The following MECOM variants were observed in gnomAD, a reference collection of about 807,000 sequenced individuals.
MECOM encodes the protein histone-lysine N-methyltransferase MECOM.
A neutral mutation model predicts 116.3 loss-of-function variants in MECOM; 13 were observed. That is an observed-to-expected ratio of 0.11 (90% CI 0.07 to 0.18). The LOEUF (loss-of-function observed/expected upper bound fraction) is 0.18. MECOM is among the 10% of genes least tolerant of loss of function. The pLI is 1.00. For synonymous variants in MECOM, 528 were observed against 535.2 expected (o/e 0.99, Z 0.19); for missense variants, 1,299 against 1,509.0 (o/e 0.86, Z 2.31).
intron 2 of MECOM, among the ~76,000 whole-genome samples, chr3:169,248,647 T>C (rs784283): frequency 0.013 from 1,969 of 152,304 alleles, 23 homozygotes; most frequent in South Asian, 0.032. Context: ...ATGACCATAT[T>C]TGGAGATAGG....
At chr3:169,594,644 G>C (rs761012886) in intron 1 of MECOM, among the ~76,000 whole-genome samples, 6 of 151,506 alleles carry the variant, frequency 4.0e-5, no homozygotes, top group Admixed American at 6.6e-5. Flanking sequence ...GGGAAGAGGT[G>C]AATGGCAGGC....
chr3:169,575,060 T>TTTTCTTC (rs1428334404), intron 1 of MECOM, among the ~76,000 whole-genome samples: 1 of 152,072 alleles, frequency 6.6e-6, no homozygotes, highest in Non-Finnish European at 1.5e-5. Context: ...CAGACCCTTC[T>TTTTCTTC]TAACTAGTAA....
At chr3:169,568,530 G>T (rs548227655) in intron 1 of MECOM, among the ~76,000 whole-genome samples, 31 of 152,266 alleles carry the variant, frequency 2.0e-4, no homozygotes, top group African/African-American at 7.5e-4. Flanking sequence ...GAGCTTGGTG[G>T]GGGGAGGGGC....
intron 2 of MECOM, among the ~76,000 whole-genome samples, chr3:169,291,986 T>G (rs192046039): frequency 1.3e-5 from 2 of 152,324 alleles, no homozygotes; most frequent in African/African-American, 4.8e-5. Context: ...CTACCATTTG[T>G]GTATGAGGCA....
At chr3:169,559,779 A>G (rs1374877602) in intron 1 of MECOM, among the ~76,000 whole-genome samples, 1 of 152,214 alleles carries the variant, frequency 6.6e-6, no homozygotes, top group East Asian at 1.9e-4. Context: ...CTACAGATAT[A>G]CGACAGATTA....
chr3:169,096,270 CTT>C (rs57183129), intron 12 of MECOM, among the ~76,000 whole-genome samples: 2 of 143,480 alleles, frequency 1.4e-5, no homozygotes, highest in Admixed American at 7.0e-5. Context: ...TCCAAATGAC[CTT>C]TTTTTTTTTT....
rs138337432 is a variant in MECOM, at chr3:169,116,529, G to T, written c.1343C>A (p.Thr448Asn). 3.1e-6 allele frequency: 5 copies of T among 1,614,000 alleles called. No homozygotes were observed. The highest frequency in any genetic ancestry group is 4.5e-5 in the East Asian group (2 of 44,894). Residue 448 changes from threonine to asparagine, a missense_variant, in exon 8 of 17, where the codon ACC becomes AAC. This residue lies in a region of MECOM where 238 missense variants were observed against 273.1 expected (regional missense o/e 0.87). Coordinates refer to ENST00000651503, the MANE Select transcript of MECOM (RefSeq NM_004991.4). Reference protein sequence around the residue: ...FFGQGISLPGTPAMDKTSMVN... With the variant: ...FFGQGISLPGNPAMDKTSMVN... ...CATGGACGTTTTATCCATAGCTGGG[G>T]TTCCAGGAAGTGAAATGCCTTGGCC...
chr3:169,276,278 G>A (rs568574578), intron 2 of MECOM, among the ~76,000 whole-genome samples: 81 of 152,154 alleles, frequency 5.3e-4, no homozygotes, highest in African/African-American at 1.8e-3. Context: ...ATGGCCGGGC[G>A]CAGTGGCTCA....
At chr3:169,441,863 T>C (rs1000785977) in intron 1 of MECOM, among the ~76,000 whole-genome samples, 1 of 151,986 alleles carries the variant, frequency 6.6e-6, no homozygotes, top group Non-Finnish European at 1.5e-5. Context: ...CCTGAGTAGC[T>C]GGGATTACAG....
At chr3:169,279,902 T>C (rs1339927896) in intron 2 of MECOM, among the ~76,000 whole-genome samples, 1 of 152,186 alleles carries the variant, frequency 6.6e-6, no homozygotes. Context: ...CTATTTTGCT[T>C]GCAAACACAA....
At chr3:169,157,383 A>T (rs2149339925) in intron 2 of MECOM, among the ~76,000 whole-genome samples, 2 of 152,366 alleles carry the variant, frequency 1.3e-5, no homozygotes, top group Non-Finnish European at 2.9e-5. Flanking sequence ...TGGAAATCCT[A>T]AAATTTCATT....
intron 1 of MECOM, among the ~76,000 whole-genome samples, chr3:169,444,519 T>C (rs1744278720): frequency 6.6e-6 from 1 of 152,114 alleles, no homozygotes; most frequent in East Asian, 1.9e-4. Flanking sequence ...GCTGCCACCA[T>C]GTAAGAAGTG....
chr3:169,248,058 G>C (rs1036669048), intron 2 of MECOM, among the ~76,000 whole-genome samples: 5 of 152,132 alleles, frequency 3.3e-5, no homozygotes, highest in African/African-American at 9.7e-5. Context: ...AAAATCATGT[G>C]TTTAAGTATT....
At chr3:169,306,933 A>C (rs1250945356) in intron 2 of MECOM, among the ~76,000 whole-genome samples, 3 of 152,094 alleles carry the variant, frequency 2.0e-5, no homozygotes, top group Non-Finnish European at 4.4e-5. Flanking sequence ...TGACTCCCAA[A>C]CTCTTATCTC....
chr3:169,090,042 T>C lies in MECOM; in HGVS notation c.3359A>G (p.Glu1120Gly). The change falls in exon 15 of 17, where the codon GAA becomes GGA. Residue 1120 changes from glutamate to glycine, a missense_variant. By Grantham distance (98) the Glu-to-Gly change is moderately conservative (BLOSUM62 -2). Around this residue, in one of 6 missense-constraint regions of MECOM, gnomAD observed 273 missense variants for 289.3 expected, o/e 0.94. Transcript: ENST00000651503. ...HEGNPEDDYEETSALEMSCKT... is the reference protein window; with the variant it reads ...HEGNPEDDYEGTSALEMSCKT... ...GCAACTCATCTCCAGGGCACTGGTT[T>C]CTTCATAGTCATCCTCAGGGTTTCC... is the stretch of plus-strand genomic sequence containing the variant. 6.2e-7 allele frequency: 1 copy of C among 1,613,628 alleles called. No homozygotes were observed. The highest frequency in any genetic ancestry group is 1.3e-5 in the African/African-American group (1 of 75,024).
At chr3:169,205,024 C>T (rs1749711563) in intron 2 of MECOM, among the ~76,000 whole-genome samples, 2 of 152,278 alleles carry the variant, frequency 1.3e-5, no homozygotes, top group South Asian at 2.1e-4. Flanking sequence ...TTTCCTCTGC[C>T]GTCCCTGGAT....
chr3:169,312,845 G>A (rs902693599), intron 2 of MECOM, among the ~76,000 whole-genome samples: 8 of 152,198 alleles, frequency 5.3e-5, no homozygotes, highest in Admixed American at 2.6e-4. Context: ...ATCTCCAAAC[G>A]TGGAATTAAA....
At chr3:169,097,418 A>C (rs1721964202) in intron 12 of MECOM, among the ~76,000 whole-genome samples, 1 of 152,140 alleles carries the variant, frequency 6.6e-6, no homozygotes, top group South Asian at 2.1e-4. Context: ...GAAATTCTTA[A>C]AACGAACACA....
Position 169,663,446 on chromosome 3 carries a change from T to A in MECOM, c.-74A>T. On this transcript the variant is annotated 5_prime_UTR_variant, in exon 1 of 17. Transcript: ENST00000651503. ...CTTGGATCCTTTCCTTCTTTTGCTC[T>A]CCCTCTCGCTCCCTCCCTCTCTCTC... 1 of 1,421,798 alleles carries A rather than the reference T, an allele frequency of 7.0e-7. No homozygotes were observed. Among genetic ancestry groups the A allele is most frequent in the South Asian group, 1.2e-5 (1 of 81,396 alleles). The allele number at this position is 1,421,798 out of a possible 1,614,324, so 88.1% of individuals were successfully genotyped here. A position where few individuals can be genotyped will look rare whatever the true frequency, so the allele number is the denominator to read the frequency against.
Sources: allele counts gnomAD v4.1 joint callset (sites outside exome capture counted in the v4.1 genomes callset), GRCh38; gene constraint gnomAD v4.1.1; regional missense constraint gnomAD v4.1.1; transcripts MANE v1.5; gene names NCBI Gene and HGNC (gene_info 2026-07-23, HGNC 2026-07-21).